Variants in WWOX observed in about 807,000 individuals in gnomAD.
WWOX encodes the protein WW domain containing oxidoreductase.
In WWOX, 69 loss-of-function variants were observed where a neutral mutation model predicts 46.2. The ratio of observed to expected loss-of-function variants is 1.49; its 90% CI spans 1.23 to 1.82. The LOEUF (loss-of-function observed/expected upper bound fraction) is 1.82. WWOX is among the 40% of genes most tolerant of loss of function. The probability of loss-of-function intolerance (pLI) is 0.00; values close to 1 mark genes in which losing one functional copy is unlikely to be tolerated. For synonymous variants in WWOX, 359 were observed against 202.6 expected, an observed-to-expected ratio of 1.77 and a Z score of -6.56; for missense variants, 919 against 542.6, an observed-to-expected ratio of 1.69 and a Z score of -6.89.
intron 5 of WWOX, among the ~76,000 whole-genome samples, chr16:78,350,515 A>G (rs1017270391): frequency 8.3e-6 from 1 of 120,380 alleles, no homozygotes; most frequent in African/African-American, 2.8e-5. Context: ...CTCTATATAG[A>G]TTTGCCTATT....
At chr16:78,223,792 G>C (rs1010259010) in intron 5 of WWOX, among the ~76,000 whole-genome samples, 1 of 152,144 alleles carries the variant, frequency 6.6e-6, no homozygotes, top group Non-Finnish European at 1.5e-5. Flanking sequence ...CATGGCTGGC[G>C]TAATGGCGGA....
Position 78,451,397 on chromosome 16 carries a change from A to G in WWOX, c.1056+18645A>G, listed in dbSNP as rs141196957. On this transcript the variant is annotated intron_variant, in intron 8 of 8. Coordinates refer to ENST00000566780, the MANE Select transcript of WWOX (RefSeq NM_016373.4). ...TTATTTTCCACAGTCCACTACCAACATGGTGGGATGGGGAGGAGCTGAGAA... is the reference window on the plus strand; with the variant it reads ...TTATTTTCCACAGTCCACTACCAACGTGGTGGGATGGGGAGGAGCTGAGAA... 3.9e-5 allele frequency among the ~76,000 whole-genome samples: 6 copies of G among 152,280 alleles called. No homozygotes were observed. In the East Asian group the frequency reaches 9.7e-4, roughly 25 times the overall value.
At chr16:78,868,512 CATATG>C (rs1256065254) in intron 8 of WWOX, among the ~76,000 whole-genome samples, 2 of 152,120 alleles carry the variant, frequency 1.3e-5, no homozygotes, top group Non-Finnish European at 2.9e-5. Flanking sequence ...ATGGTTAAAT[CATATG>C]GTATGTGAAT....
chr16:78,735,169 A>T lies in WWOX; in HGVS notation c.1056+302417A>T, dbSNP rs2049057533. On this transcript the variant is annotated intron_variant, in intron 8 of 8. Coordinates refer to ENST00000566780, the MANE Select transcript of WWOX (RefSeq NM_016373.4). Reference sequence around the variant, plus strand: ...GGGGTGAGCCACCACGTCTGGCCTGACATCAGTCTTTTCCTGCCTTCAGAC... The same window carrying T: ...GGGGTGAGCCACCACGTCTGGCCTGTCATCAGTCTTTTCCTGCCTTCAGAC... Among the ~76,000 whole-genome samples the T allele has an allele frequency of 2.0e-5, 3 of 152,034 alleles. No individual in the cohort carries two copies. The East Asian group carries it at 5.9e-4, about 30-fold the overall frequency.
intron 8 of WWOX, among the ~76,000 whole-genome samples, chr16:78,719,474 G>A (rs2048643230): frequency 1.3e-5 from 2 of 152,244 alleles, no homozygotes; most frequent in African/African-American, 4.8e-5. Context: ...GTCGAGAAAT[G>A]TTATGATGGC....
intron 5 of WWOX, among the ~76,000 whole-genome samples, chr16:78,365,114 G>A (rs756694545): frequency 2.6e-5 from 4 of 152,158 alleles, no homozygotes; most frequent in Non-Finnish European, 5.9e-5. Flanking sequence ...TTCTTCACTT[G>A]CAAAATGAAG....
At chr16:78,306,064 A>G (rs758045112) in intron 5 of WWOX, among the ~76,000 whole-genome samples, 28 of 152,274 alleles carry the variant, frequency 1.8e-4, no homozygotes, top group Middle Eastern at 3.4e-3. Context: ...ACACCTGCCC[A>G]CAGAGACCAT....
intron 8 of WWOX, among the ~76,000 whole-genome samples, chr16:78,766,991 A>T (rs946387506): frequency 6.6e-6 from 1 of 152,112 alleles, no homozygotes; most frequent in African/African-American, 2.4e-5. Flanking sequence ...TTCTGCATCT[A>T]TGAAATTGTT....
chr16:79,209,305 G>C (rs567705686), intron 8 of WWOX, among the ~76,000 whole-genome samples: 1 of 152,304 alleles, frequency 6.6e-6, no homozygotes, highest in South Asian at 2.1e-4. Context: ...GAATTTCTTA[G>C]CAAAAATACC....
chr16:79,199,851 G>C (rs1320429234), intron 8 of WWOX, among the ~76,000 whole-genome samples: 3 of 152,182 alleles, frequency 2.0e-5, no homozygotes, highest in Non-Finnish European at 4.4e-5. Context: ...CCCTTTGCCA[G>C]GCATTTCTAA....
intron 8 of WWOX, among the ~76,000 whole-genome samples, chr16:78,501,371 C>G (rs2085063698): frequency 1.3e-5 from 2 of 151,838 alleles, no homozygotes; most frequent in Non-Finnish European, 2.9e-5. Context: ...CCTCCTCTAG[C>G]CGGCTGCAGC....
chr16:78,894,141 C>G (rs1411614479), intron 8 of WWOX, among the ~76,000 whole-genome samples: 2 of 151,692 alleles, frequency 1.3e-5, no homozygotes, highest in Non-Finnish European at 2.9e-5. Flanking sequence ...TGGGCTCAAG[C>G]AATCCTCCCA....
At chr16:78,851,008 C>T (rs2052429651) in intron 8 of WWOX, among the ~76,000 whole-genome samples, 1 of 152,114 alleles carries the variant, frequency 6.6e-6, no homozygotes, top group Non-Finnish European at 1.5e-5. Context: ...TTTGCAGCTC[C>T]TAGAGATAAA....
chr16:78,541,440 C>G (rs1046150308), intron 8 of WWOX, among the ~76,000 whole-genome samples: 7 of 115,090 alleles, frequency 6.1e-5, no homozygotes, highest in African/African-American at 1.9e-4. Context: ...CGCCACTGCA[C>G]TCCAGCCTGG....
chr16:78,365,804 A>G (rs1411987735), intron 5 of WWOX, among the ~76,000 whole-genome samples: 1 of 152,134 alleles, frequency 6.6e-6, no homozygotes, highest in East Asian at 1.9e-4. Context: ...TCCCCCCACC[A>G]AATTTCTGTG....
intron 8 of WWOX, among the ~76,000 whole-genome samples, chr16:78,633,376 G>T (rs985141710): frequency 2.6e-5 from 4 of 152,164 alleles, no homozygotes; most frequent in African/African-American, 9.7e-5. Flanking sequence ...GGAGCTCTTG[G>T]ATTGCAATTT....
intron 6 of WWOX, 69 bp from the exon 7 acceptor site, chr16:78,424,801 C>G (rs150811493): frequency 6.3e-7 from 1 of 1,577,756 alleles, no homozygotes; most frequent in East Asian, 2.2e-5. Flanking sequence ...CGTGGATTCC[C>G]GAAGGAGCAT....
chr16:78,680,712 C>T (rs2047709710), intron 8 of WWOX, among the ~76,000 whole-genome samples: 1 of 152,214 alleles, frequency 6.6e-6, no homozygotes, highest in Non-Finnish European at 1.5e-5. Context: ...GTGGGTAGCA[C>T]ATACAGAAAG....
intron 8 of WWOX, among the ~76,000 whole-genome samples, chr16:78,878,529 C>T (rs937020822): frequency 6.6e-5 from 10 of 152,206 alleles, no homozygotes; most frequent in Middle Eastern, 3.4e-3. Context: ...ATCTCTGAAG[C>T]ACATTGGCAC....
Sources: gnomAD v4.1 joint callset for allele counts (sites outside exome capture counted in the v4.1 genomes callset) on GRCh38, gnomAD v4.1.1 for gene constraint, MANE v1.5 for transcripts, NCBI Gene and HGNC (gene_info 2026-07-23, HGNC 2026-07-21) for gene names.